Variants in ANXA9 observed in about 807,000 individuals in gnomAD.
ANXA9 encodes the protein annexin A9.
A neutral mutation model predicts 51.8 loss-of-function variants in ANXA9; 47 were observed. The observed-to-expected ratio is 0.91, with a 90% CI of 0.72 to 1.16. ANXA9 has a LOEUF of 1.16. Among genes scored for constraint, ANXA9 ranks in the 50% most tolerant of loss-of-function variants. The probability of loss-of-function intolerance (pLI) is 0.00; values close to 1 mark genes in which losing one functional copy is unlikely to be tolerated. For missense variants in ANXA9, 361 were observed against 424.7 expected (o/e 0.85, Z 1.32); for synonymous variants, 154 against 168.7 (o/e 0.91, Z 0.68).
chr1:150,989,205 C>A (rs1461647428), intron 12 of ANXA9, among the ~76,000 whole-genome samples: 1 of 152,012 alleles, frequency 6.6e-6, no homozygotes, highest in Non-Finnish European at 1.5e-5. Context: ...TCTCAAACTC[C>A]TGACCTCAGG....
At chr1:150,984,754 T>A in intron 7 of ANXA9, 78 bp downstream of exon 7, 1 of 1,264,266 alleles carries the variant, frequency 7.9e-7, no homozygotes, top group Admixed American at 2.2e-5. Context: ...GTACTCCCCA[T>A]AGGTGAGCTA....
intron 11 of ANXA9, 37 bp downstream of exon 11, chr1:150,988,223 C>T: frequency 6.2e-7 from 1 of 1,614,220 alleles, no homozygotes; most frequent in Non-Finnish European, 8.5e-7. Flanking sequence ...GTAAGTCTCT[C>T]TTGGGATGGG....
At chr1:150,984,190 GAAA>G in intron 5 of ANXA9, 88 bp from the exon 6 acceptor site, 1 of 1,539,302 alleles carries the variant, frequency 6.5e-7, no homozygotes. Context: ...GGCCTGAGAT[GAAA>G]ACCAGCCAAA....
intron 12 of ANXA9, 124 bp from the exon 13 acceptor site, chr1:150,994,453 G>A: frequency 7.0e-7 from 1 of 1,435,618 alleles, no homozygotes; most frequent in Non-Finnish European, 9.5e-7. Context: ...AATGTATAAT[G>A]TACACTCTTA....
chr1:150,981,457 C>G (rs1188446430), upstream of ANXA9, among the ~76,000 whole-genome samples: 1 of 152,212 alleles, frequency 6.6e-6, no homozygotes, highest in Non-Finnish European at 1.5e-5. Context: ...GCAGTTGCTG[C>G]ATGGCGGGGC....
intron 12 of ANXA9, among the ~76,000 whole-genome samples, chr1:150,989,611 A>G (rs1671650140): frequency 6.6e-6 from 1 of 151,956 alleles, no homozygotes; most frequent in Non-Finnish European, 1.5e-5. Flanking sequence ...GAATTGCTTG[A>G]ACCTGGGAGG....
intron 11 of ANXA9, 40 bp from the exon 12 acceptor site, chr1:150,988,243 T>C (rs1425029187): frequency 2.5e-6 from 4 of 1,614,036 alleles, no homozygotes. Context: ...GAGATTGTGG[T>C]CCTAGTTGTG....
At chr1:150,994,192 G>C (rs1558042182) in intron 12 of ANXA9, among the ~76,000 whole-genome samples, 1 of 152,122 alleles carries the variant, frequency 6.6e-6, no homozygotes. Context: ...TAACTTGAAA[G>C]TTAAAAGCAG....
chr1:150,981,971 G>T (rs1280415540), upstream of ANXA9: 2 of 152,268 alleles, frequency 1.3e-5, no homozygotes, highest in African/African-American at 4.8e-5. Context: ...GTCAGAAGCT[G>T]GGGCAGAGCC....
chr1:150,995,254 C>A lies in ANXA9; in HGVS notation c.976-6C>A. 2 of 1,609,598 alleles carry A rather than the reference C, an allele frequency of 1.2e-6. No homozygotes were observed. Among genetic ancestry groups the A allele is most frequent in the Non-Finnish European group, 8.5e-7 (1 of 1,177,706 alleles). On this transcript the variant is annotated splice_polypyrimidine_tract_variant and splice_region_variant and intron_variant, in intron 13 of 13. Transcript: ENST00000368947. ...TCTTTCTAACACTGAATTCCCTTGTCTGCAGGATGCAGTGAAAGGGGATTG... is the reference window on the plus strand; with the variant it reads ...TCTTTCTAACACTGAATTCCCTTGTATGCAGGATGCAGTGAAAGGGGATTG...
At chr1:150,990,909 C>T (rs1186931173) in intron 12 of ANXA9, among the ~76,000 whole-genome samples, 1 of 152,032 alleles carries the variant, frequency 6.6e-6, no homozygotes, top group Non-Finnish European at 1.5e-5. Flanking sequence ...CTTTGGGAGG[C>T]CAAGGCGGGC....
intron 13 of ANXA9, 117 bp from the exon 14 acceptor site, chr1:150,995,142 TC>T: frequency 9.8e-7 from 1 of 1,017,740 alleles, no homozygotes; most frequent in Non-Finnish European, 1.4e-6. Context: ...GACTCTGAGC[TC>T]CCGGGAGGAC....
chr1:150,980,975 T>C (rs6674666), upstream of ANXA9, among the ~76,000 whole-genome samples: 203 of 152,240 alleles, frequency 1.3e-3, 1 homozygote, highest in African/African-American at 4.5e-3. Context: ...ATAAGTTCTT[T>C]AGTGGACACA....
At chr1:150,987,755 C>A in intron 9 of ANXA9, 117 bp from the exon 10 acceptor site, 1 of 833,990 alleles carries the variant, frequency 1.2e-6, no homozygotes, top group Non-Finnish European at 1.9e-6. Flanking sequence ...TCCTTTTCCA[C>A]CCTCAATCCC....
intron 7 of ANXA9, among the ~76,000 whole-genome samples, chr1:150,985,206 A>T (rs957144463): frequency 5.3e-5 from 8 of 151,724 alleles, no homozygotes; most frequent in African/African-American, 1.9e-4. Context: ...ACACACACAC[A>T]CACACACACA....
chr1:150,984,441 C>CT, intron 6 of ANXA9, 47 bp downstream of exon 6: 1 of 1,594,344 alleles, frequency 6.3e-7, no homozygotes, highest in Non-Finnish European at 8.6e-7. Flanking sequence ...AGGGAGAAGG[C>CT]TGTCAGCCTT....
chr1:150,977,904 G>A (rs1451467724), upstream of ANXA9, among the ~76,000 whole-genome samples: 1 of 152,214 alleles, frequency 6.6e-6, no homozygotes, highest in African/African-American at 2.4e-5. Flanking sequence ...GGGAGGCCGA[G>A]GTGGGTGGAT....
chr1:150,984,770 C>A, intron 7 of ANXA9, 94 bp downstream of exon 7: 2 of 1,059,710 alleles, frequency 1.9e-6, no homozygotes, highest in Non-Finnish European at 2.7e-6. Flanking sequence ...AGCTATCTGG[C>A]AACCTGGCTG....
chr1:150,984,101 A>G (rs372342798), intron 5 of ANXA9, 32 bp downstream of exon 5: 165 of 1,598,406 alleles, frequency 1.0e-4, no homozygotes, highest in Non-Finnish European at 1.3e-4. Context: ...ACAGCAGTGG[A>G]CTGGGGTGAG....
Sources: allele counts gnomAD v4.1 joint callset (sites outside exome capture counted in the v4.1 genomes callset), GRCh38; gene constraint gnomAD v4.1.1; transcripts MANE v1.5; gene names NCBI Gene and HGNC (gene_info 2026-07-23, HGNC 2026-07-21).